The following MYOT variants were observed in gnomAD, a reference collection of about 807,000 sequenced individuals.
MYOT encodes 57 kDa cytoskeletal protein.
MYOT carries 36 observed loss-of-function variants against 58.0 expected under a neutral mutation model. The ratio of observed to expected loss-of-function variants is 0.62; its 90% confidence interval spans 0.48 to 0.82. The LOEUF (loss-of-function observed/expected upper bound fraction) is 0.82, where lower values mean the gene tolerates loss of function less well. Ranked by LOEUF, MYOT falls within the 40% of genes least tolerant of loss-of-function variation. The pLI is 0.00. For synonymous variants in MYOT, 218 were observed against 204.6 expected, an observed-to-expected ratio of 1.07 and a Z score of -0.56; for missense variants, 505 against 592.1, an observed-to-expected ratio of 0.85 and a Z score of 1.53.
chr5:137,872,748 T>C (rs1032916027), intron 2 of MYOT, among the ~76,000 whole-genome samples: 5 of 152,206 alleles, frequency 3.3e-5, no homozygotes, highest in Admixed American at 6.5e-5. Context: ...ATTTAGATTT[T>C]CATCAATAGG....
Position 137,870,563 on chromosome 5 carries a change from G to A in MYOT, c.-89G>A, listed in dbSNP as rs1755014392. The A allele has an allele frequency of 8.5e-7, 1 of 1,173,236 alleles. No individual in the cohort carries two copies. The highest frequency in any genetic ancestry group is 1.3e-6 in the Non-Finnish European group (1 of 778,776). 72.7% of individuals were successfully genotyped at this position (1,173,236 alleles called of 1,614,324 possible). A position where few individuals can be genotyped will look rare whatever the true frequency, so the allele number is the denominator to read the frequency against. On this transcript the variant is annotated 5_prime_UTR_variant, in exon 2 of 10. Coordinates refer to ENST00000239926, the MANE Select transcript of MYOT (RefSeq NM_006790.3). ...TCCTTACAACCTTCCGTAATTCCAG[G>A]CTTGTGGCCCCAAATTCAGGGCCCC...
chr5:137,870,834 C>A lies in MYOT; in HGVS notation c.183C>A (p.His61Gln). Residue 61 changes from histidine (H) to glutamine (Q), a missense_variant, in exon 2 of 10, where the codon CAC (histidine) becomes CAA (glutamine). Physicochemically the swap from His to Gln is conservative, Grantham distance 24. Transcript: ENST00000239926. ...RFSASSTLSSHITMSSSAFPA... is the reference protein window; with the variant it reads ...RFSASSTLSSQITMSSSAFPA... ...CTGCCTCCTCAACACTGAGCTCTCACATCACCATGTCCTCCTCTGCTTTCC... is the reference window on the plus strand; with the variant it reads ...CTGCCTCCTCAACACTGAGCTCTCAAATCACCATGTCCTCCTCTGCTTTCC... 1 of 1,614,190 alleles carries A rather than the reference C, an allele frequency of 6.2e-7. No homozygotes were observed. Among genetic ancestry groups the A allele is most frequent in the Non-Finnish European group, 8.5e-7 (1 of 1,180,038 alleles).
chr5:137,870,599 G>C lies in MYOT; in HGVS notation c.-53G>C. On this transcript the variant is annotated 5_prime_UTR_variant, in exon 2 of 10. Coordinates refer to ENST00000239926, the MANE Select transcript of MYOT (RefSeq NM_006790.3). ...CAAATTCAGGGCCCCACCCTTCCAG[G>C]AACAAATCATTATAGTAATAATTTG... The C allele has an allele frequency of 2.0e-6, 3 of 1,529,798 alleles. No homozygotes were observed. The Admixed American group carries it at 5.0e-5, about 26-fold the overall frequency. 94.8% of individuals were successfully genotyped at this position (1,529,798 alleles called of 1,614,324 possible). A position where few individuals can be genotyped will look rare whatever the true frequency, so the allele number is the denominator to read the frequency against.
At chr5:137,885,256 C>G (rs1411982791) in intron 7 of MYOT, among the ~76,000 whole-genome samples, 1 of 152,146 alleles carries the variant, frequency 6.6e-6, no homozygotes, top group Non-Finnish European at 1.5e-5. Flanking sequence ...TGTTTATTAT[C>G]TCATTTGTTC....
At chr5:137,869,578 T>C (rs1754975456) in intron 1 of MYOT, among the ~76,000 whole-genome samples, 1 of 152,132 alleles carries the variant, frequency 6.6e-6, no homozygotes, top group Admixed American at 6.5e-5. Context: ...CTTATTTACT[T>C]CTATGCTTCC....
intron 8 of MYOT, 115 bp from the exon 9 acceptor site, chr5:137,886,749 A>G: frequency 1.2e-6 from 1 of 825,848 alleles, no homozygotes; most frequent in Non-Finnish European, 2.0e-6. Flanking sequence ...CAATAAATAG[A>G]TACAGCTTTG....
chr5:137,877,770 T>C, intron 4 of MYOT, 149 bp downstream of exon 4: 1 of 647,414 alleles, frequency 1.5e-6, no homozygotes, highest in Admixed American at 2.5e-5. Flanking sequence ...TAAACATATA[T>C]ACATAATTTT....
At chr5:137,878,117 AC>A (rs1227998128) in intron 4 of MYOT, among the ~76,000 whole-genome samples, 1 of 151,974 alleles carries the variant, frequency 6.6e-6, no homozygotes, top group African/African-American at 2.4e-5. Context: ...ACCAAAAAAA[AC>A]CCCTCATGAG....
intron 2 of MYOT, among the ~76,000 whole-genome samples, chr5:137,872,535 AG>A (rs1755082550): frequency 6.6e-6 from 1 of 152,242 alleles, no homozygotes; most frequent in African/African-American, 2.4e-5. Context: ...GATCCACTTT[AG>A]CTGTTCCATT....
At chr5:137,881,604 G>T (rs563099888) in intron 5 of MYOT, among the ~76,000 whole-genome samples, 1 of 152,224 alleles carries the variant, frequency 6.6e-6, no homozygotes, top group South Asian at 2.1e-4. Flanking sequence ...GCGGAGGTTG[G>T]TATAACTGAA....
intron 2 of MYOT, among the ~76,000 whole-genome samples, 177 bp downstream of exon 2, chr5:137,871,184 A>G (rs1210163185): frequency 6.6e-6 from 1 of 152,184 alleles, no homozygotes; most frequent in African/African-American, 2.4e-5. Context: ...TACTGGCAAT[A>G]AGAGGTCATC....
At position 137,870,605 on chromosome 5, in the gene MYOT, A is replaced by C; in HGVS notation, c.-47A>C. ...CAGGGCCCCACCCTTCCAGGAACAAATCATTATAGTAATAATTTGCCTTCA... is the reference window on the plus strand; with the variant it reads ...CAGGGCCCCACCCTTCCAGGAACAACTCATTATAGTAATAATTTGCCTTCA... On this transcript the variant is annotated 5_prime_UTR_variant, in exon 2 of 10. Transcript: ENST00000239926. 1 of 1,545,370 alleles carries C rather than the reference A, an allele frequency of 6.5e-7. No homozygotes were observed. The highest frequency in any genetic ancestry group is 8.9e-7 in the Non-Finnish European group (1 of 1,117,574).
At position 137,884,768 on chromosome 5, in the gene MYOT, T is replaced by C. The variant is rs926389034; in HGVS notation, c.1024+1177T>C. ...TTCTGGTCCCAAGCATTTCAGATAA[T>C]GGATACTCAACCCATACCATATTTT... On this transcript the variant is annotated intron_variant, in intron 7 of 9. Coordinates refer to ENST00000239926, the MANE Select transcript of MYOT (RefSeq NM_006790.3). Among the ~76,000 whole-genome samples, 5 of 152,230 alleles carry C rather than the reference T, an allele frequency of 3.3e-5. No individual in the cohort carries two copies. The East Asian group carries it at 9.6e-4, about 29-fold the overall frequency.
Position 137,877,529 on chromosome 5 carries a change from T to C in MYOT, c.541T>C (p.Tyr181His), listed in dbSNP as rs1377229799. The C allele has an allele frequency of 3.1e-6, 5 of 1,610,720 alleles. No individual in the cohort carries two copies. In the African/African-American group the frequency reaches 4.0e-5, roughly 13 times the overall value. ...LLHNGNQRLT[Y>H]EEKMARRLLG... The stretch of plus-strand genomic sequence containing the variant: ...AATAAATTCTCTAAAGCGTCTAACA[T>C]ATGAAGAGAAGATGGCTCGCAGATT... The change falls in exon 4 of 10, where the codon TAT (tyrosine) becomes CAT (histidine). Residue 181 changes from tyrosine to histidine, a missense_variant. Tyr to His is a moderately conservative substitution (Grantham distance 83). Coordinates refer to ENST00000239926, the MANE Select transcript of MYOT (RefSeq NM_006790.3).
At chr5:137,883,872 C>T (rs1755515644) in intron 7 of MYOT, among the ~76,000 whole-genome samples, 1 of 152,110 alleles carries the variant, frequency 6.6e-6, no homozygotes, top group Non-Finnish European at 1.5e-5. Context: ...CAATTTTAGA[C>T]AAACCAAATA....
intron 4 of MYOT, among the ~76,000 whole-genome samples, chr5:137,878,801 TGA>T (rs1247119403): frequency 6.6e-6 from 1 of 151,912 alleles, no homozygotes; most frequent in Non-Finnish European, 1.5e-5. Context: ...CCAGCCTGGG[TGA>T]GAGAGAGACT....
intron 7 of MYOT, among the ~76,000 whole-genome samples, 185 bp from the exon 8 acceptor site, chr5:137,885,863 A>G (rs1368084087): frequency 6.6e-6 from 1 of 151,570 alleles, no homozygotes; most frequent in African/African-American, 2.4e-5. Flanking sequence ...GCATCATTAC[A>G]TTAGAGTTTA....
chr5:137,880,649 G>C, intron 4 of MYOT, 167 bp from the exon 5 acceptor site: 1 of 606,124 alleles, frequency 1.6e-6, no homozygotes, highest in Non-Finnish European at 3.0e-6. Flanking sequence ...GTGGTAGTAT[G>C]TTAGTGCACT....
chr5:137,871,567 A>G (rs1755052725), intron 2 of MYOT, among the ~76,000 whole-genome samples: 1 of 152,182 alleles, frequency 6.6e-6, no homozygotes. Context: ...GAATGTATAC[A>G]TTTTCCTTAC....
Sources: allele counts gnomAD v4.1 joint callset (sites outside exome capture counted in the v4.1 genomes callset), GRCh38; gene constraint gnomAD v4.1.1; transcripts MANE v1.5; gene names NCBI Gene and HGNC (gene_info 2026-07-23, HGNC 2026-07-21).